SYT16: variants seen among roughly 807,000 people sequenced by gnomAD.
The protein encoded by SYT16 is synaptotagmin 16.
A neutral mutation model predicts 61.4 loss-of-function variants in SYT16; 42 were observed. The ratio of observed to expected loss-of-function variants is 0.68; its 90% confidence interval spans 0.53 to 0.89. The LOEUF (loss-of-function observed/expected upper bound fraction) is 0.89, where lower values mean the gene tolerates loss of function less well. SYT16 is among the 40% of genes least tolerant of loss of function. SYT16 has a pLI of 0.00. For missense variants in SYT16, 804 were observed against 807.3 expected (o/e 1.00, Z 0.05); for synonymous variants, 314 against 302.3 (o/e 1.04, Z -0.40).
At chr14:61,827,812 T>C (rs889808085) in intron 1 of SYT16, among the ~76,000 whole-genome samples, 4 of 152,224 alleles carry the variant, frequency 2.6e-5, no homozygotes, top group African/African-American at 9.6e-5. Context: ...GTGGAATATA[T>C]AATTCTTACC....
At chr14:62,003,152 A>G (rs2053088710) in intron 3 of SYT16, among the ~76,000 whole-genome samples, 1 of 151,958 alleles carries the variant, frequency 6.6e-6, no homozygotes, top group Admixed American at 6.6e-5. Context: ...CAAGTGGCCT[A>G]AGGCTTTTGT....
intron 1 of SYT16, among the ~76,000 whole-genome samples, chr14:61,875,907 A>T (rs186031533): frequency 2.0e-4 from 30 of 152,318 alleles, no homozygotes; most frequent in African/African-American, 6.7e-4. Context: ...GGAAGCTGGG[A>T]AAGCAAGTCT....
intron 1 of SYT16, among the ~76,000 whole-genome samples, chr14:61,845,981 C>T (rs772262843): frequency 3.3e-5 from 5 of 152,086 alleles, no homozygotes; most frequent in Non-Finnish European, 5.9e-5. Context: ...GTATTTGTAT[C>T]GTTTCCAAAT....
Position 62,075,372 on chromosome 14 carries a change from C to A in SYT16, c.974C>A (p.Ser325Tyr). ...GFEDSYATDS[S>Y]SMWSPEEQDR... ...GAAGATTCCTATGCCACTGACAGCTCCTCCATGTGGAGTCCAGAGGCAAGT... is the reference window on the plus strand; with the variant it reads ...GAAGATTCCTATGCCACTGACAGCTACTCCATGTGGAGTCCAGAGGCAAGT... The change falls in exon 5 of 8, where the codon TCC becomes TAC. Residue 325 changes from serine to tyrosine, a missense_variant. By Grantham distance (144) the Ser-to-Tyr change is moderately radical. Transcript: ENST00000683842. 1 of 1,613,156 alleles carries A rather than the reference C, an allele frequency of 6.2e-7. No individual in the cohort carries two copies. Among genetic ancestry groups the A allele is most frequent in the Non-Finnish European group, 8.5e-7 (1 of 1,179,372 alleles).
intron 1 of SYT16, among the ~76,000 whole-genome samples, chr14:61,831,565 T>G (rs1594712963): frequency 6.6e-6 from 1 of 152,212 alleles, no homozygotes; most frequent in East Asian, 1.9e-4. Context: ...CATTCCCTTC[T>G]TAGACCTCTT....
intron 1 of SYT16, among the ~76,000 whole-genome samples, chr14:61,913,294 T>C (rs1338453247): frequency 3.3e-5 from 5 of 152,242 alleles, no homozygotes; most frequent in Admixed American, 3.3e-4. Flanking sequence ...CCGATATTTG[T>C]GGAAAGGATG....
intron 5 of SYT16, chr14:62,079,392 C>G (rs1476553248): frequency 8.2e-7 from 1 of 1,216,018 alleles, no homozygotes; most frequent in African/African-American, 1.6e-5. Context: ...TACTGTCTGT[C>G]AAGTCCTCTA....
Position 62,075,125 on chromosome 14 carries a change from G to A in SYT16, c.737-10G>A. Reference sequence around the variant, plus strand: ...ATGCATTTGAAATGGTTTTCTTATTGCAAATTTAGATTTGGATGGAGCCAG... The same window carrying A: ...ATGCATTTGAAATGGTTTTCTTATTACAAATTTAGATTTGGATGGAGCCAG... On this transcript the variant is annotated splice_polypyrimidine_tract_variant and intron_variant, in intron 4 of 7. Coordinates refer to ENST00000683842, the MANE Select transcript of SYT16 (RefSeq NM_001367656.1). 6.3e-7 allele frequency: 1 copy of A among 1,591,982 alleles called. No individual in the cohort carries two copies. Among genetic ancestry groups the A allele is most frequent in the Non-Finnish European group, 8.6e-7 (1 of 1,165,390 alleles).
chr14:61,855,962 C>T (rs1310112656), intron 1 of SYT16, among the ~76,000 whole-genome samples: 2 of 152,174 alleles, frequency 1.3e-5, no homozygotes, highest in African/African-American at 4.8e-5. Flanking sequence ...TTTATATCTT[C>T]CCATTCAAAT....
intron 3 of SYT16, among the ~76,000 whole-genome samples, chr14:62,002,043 A>G (rs1183927821): frequency 2.0e-5 from 3 of 152,124 alleles, no homozygotes; most frequent in Non-Finnish European, 4.4e-5. Flanking sequence ...TGATAGTTCC[A>G]ATATCTGAGT....
chr14:61,816,602 T>C (rs112434751), intron 1 of SYT16, among the ~76,000 whole-genome samples: 7 of 152,312 alleles, frequency 4.6e-5, no homozygotes, highest in East Asian at 1.9e-4. Flanking sequence ...TGAACTGTTA[T>C]GTGAAAATTT....
intron 1 of SYT16, among the ~76,000 whole-genome samples, chr14:61,943,181 G>A (rs1868750884): frequency 6.6e-6 from 1 of 152,094 alleles, no homozygotes; most frequent in African/African-American, 2.4e-5. Context: ...GACTAAACCA[G>A]GAAGAAGTCG....
chr14:62,029,271 G>C (rs1194893547), intron 3 of SYT16, among the ~76,000 whole-genome samples: 1 of 152,166 alleles, frequency 6.6e-6, no homozygotes, highest in East Asian at 1.9e-4. Context: ...TGGGATTAAA[G>C]GCACCCACCA....
chr14:62,054,281 C>G (rs1194676642), intron 3 of SYT16, among the ~76,000 whole-genome samples: 1 of 151,246 alleles, frequency 6.6e-6, no homozygotes, highest in East Asian at 1.9e-4. Context: ...CATACCACCA[C>G]CAAATATCTG....
intron 7 of SYT16, among the ~76,000 whole-genome samples, chr14:62,086,740 T>C (rs2056900750): frequency 6.6e-6 from 1 of 152,242 alleles, no homozygotes; most frequent in African/African-American, 2.4e-5. Context: ...AGTCCTAATT[T>C]AGAAATGGAT....
intron 7 of SYT16, among the ~76,000 whole-genome samples, chr14:62,086,682 A>T (rs1296619974): frequency 6.6e-6 from 1 of 152,252 alleles, no homozygotes; most frequent in African/African-American, 2.4e-5. Flanking sequence ...TATGCTAAAG[A>T]TGAAATTCCT....
At chr14:62,024,240 A>G (rs1461024329) in intron 3 of SYT16, among the ~76,000 whole-genome samples, 1 of 152,130 alleles carries the variant, frequency 6.6e-6, no homozygotes, top group Non-Finnish European at 1.5e-5. Context: ...CAGGAATTCT[A>G]TAATATTCAA....
chr14:62,013,812 A>C (rs2053559110), intron 3 of SYT16, among the ~76,000 whole-genome samples: 1 of 152,084 alleles, frequency 6.6e-6, no homozygotes, highest in Non-Finnish European at 1.5e-5. Context: ...AAAAGCAAAA[A>C]AATTAGGTGG....
chr14:62,007,567 A>G (rs940174049), intron 3 of SYT16, among the ~76,000 whole-genome samples: 1 of 152,140 alleles, frequency 6.6e-6, no homozygotes, highest in Admixed American at 6.6e-5. Flanking sequence ...GAAGATGATT[A>G]TTCCCATTGT....
Sources: allele counts gnomAD v4.1 joint callset (sites outside exome capture counted in the v4.1 genomes callset), GRCh38; gene constraint gnomAD v4.1.1; transcripts MANE v1.5; gene names NCBI Gene and HGNC (gene_info 2026-07-23, HGNC 2026-07-21).